Variants in PPM1H observed in about 807,000 individuals in gnomAD.
The protein encoded by PPM1H is protein phosphatase 1H.
PPM1H carries 27 observed loss-of-function variants against 54.9 expected under a neutral mutation model. That is an observed-to-expected ratio of 0.49 (90% confidence interval 0.36 to 0.68). PPM1H has a LOEUF of 0.68. Ranked by LOEUF, PPM1H falls within the 30% of genes least tolerant of loss-of-function variation. The probability of loss-of-function intolerance (pLI) is 0.00; values close to 1 mark genes in which losing one functional copy is unlikely to be tolerated. For synonymous variants in PPM1H, 305 were observed against 270.8 expected, an observed-to-expected ratio of 1.13 and a Z score of -1.24; for missense variants, 596 against 667.8, an observed-to-expected ratio of 0.89 and a Z score of 1.19.
intron 4 of PPM1H, among the ~76,000 whole-genome samples, chr12:62,760,425 G>A (rs1400802373): frequency 2.0e-5 from 3 of 151,954 alleles, no homozygotes; most frequent in African/African-American, 4.8e-5. Flanking sequence ...CTCCTCCTCC[G>A]GTCGCTCCCT....
At chr12:62,661,868 C>A (rs2075885928) in intron 9 of PPM1H, among the ~76,000 whole-genome samples, 2 of 152,238 alleles carry the variant, frequency 1.3e-5, no homozygotes, top group Non-Finnish European at 2.9e-5. Flanking sequence ...CCATAATTGT[C>A]TAATCTGCAG....
Position 62,720,188 on chromosome 12 carries a change from G to C in PPM1H, c.1056C>G (p.Asp352Glu). ...KELGKKMLYRDFNMTGWAYKT... is the reference protein window; with the variant it reads ...KELGKKMLYREFNMTGWAYKT... ...GTTCTTACCAGCCTGTCATATTAAA[G>C]TCCCTGTAGAGCATCTTCTTTCCAA... is the stretch of plus-strand genomic sequence containing the variant. Residue 352 changes from aspartate to glutamate, a missense_variant, in exon 6 of 10, where the codon GAC becomes GAG. Asp to Glu is a conservative substitution (Grantham distance 45, BLOSUM62 2). Coordinates refer to ENST00000228705, the MANE Select transcript of PPM1H (RefSeq NM_020700.2). 1.2e-6 allele frequency: 2 copies of C among 1,607,516 alleles called. No homozygotes were observed. Among genetic ancestry groups the C allele is most frequent in the Non-Finnish European group, 1.7e-6 (2 of 1,174,012 alleles).
chr12:62,696,170 T>C (rs2076114176), intron 6 of PPM1H, among the ~76,000 whole-genome samples: 1 of 152,178 alleles, frequency 6.6e-6, no homozygotes, highest in African/African-American at 2.4e-5. Flanking sequence ...GTAAGAAAAC[T>C]GCTCTATCAC....
At position 62,656,875 on chromosome 12, in the gene PPM1H, A is replaced by C. The variant is rs2075847287; in HGVS notation, c.1398-8239T>G. On this transcript the variant is annotated intron_variant, in intron 9 of 9. Transcript: ENST00000228705. ...GGTGGAGGGTCAGGGGTGGCTTAGA[A>C]TAGGGAATGGCCTTTGTTGTGCCCA... Among the ~76,000 whole-genome samples, 4 of 152,140 alleles carry C rather than the reference A, an allele frequency of 2.6e-5. No individual in the cohort carries two copies. The South Asian group carries it at 6.2e-4, about 24-fold the overall frequency.
intron 1 of PPM1H, among the ~76,000 whole-genome samples, chr12:62,921,152 T>C (rs1403549186): frequency 6.6e-6 from 1 of 152,026 alleles, no homozygotes; most frequent in Non-Finnish European, 1.5e-5. Flanking sequence ...CTCAAACTCC[T>C]GATCTCAGGT....
At chr12:62,667,375 T>C in intron 8 of PPM1H, 46 bp from the exon 9 acceptor site, 1 of 1,446,364 alleles carries the variant, frequency 6.9e-7, no homozygotes, top group Non-Finnish European at 9.3e-7. Context: ...TGGAAGCATA[T>C]TATTCTCCCT....
intron 4 of PPM1H, among the ~76,000 whole-genome samples, chr12:62,764,135 G>A (rs73130042): frequency 0.15 from 22,252 of 152,048 alleles, 1,808 homozygotes; most frequent in African/African-American, 0.22. Context: ...GTGAATTTCC[G>A]TCCAGACAAT....
intron 4 of PPM1H, among the ~76,000 whole-genome samples, chr12:62,761,481 C>A (rs1447349410): frequency 1.3e-5 from 2 of 152,064 alleles, no homozygotes; most frequent in Non-Finnish European, 2.9e-5. Context: ...CTACAAGAAA[C>A]ATGACATATA....
chr12:62,724,466 T>C (rs1202608146), intron 5 of PPM1H, among the ~76,000 whole-genome samples: 1 of 152,180 alleles, frequency 6.6e-6, no homozygotes, highest in African/African-American at 2.4e-5. Context: ...AGAAGATCTG[T>C]TGAGGCAGAT....
intron 8 of PPM1H, among the ~76,000 whole-genome samples, chr12:62,678,580 T>C (rs1391612599): frequency 2.0e-5 from 3 of 152,188 alleles, no homozygotes; most frequent in African/African-American, 7.2e-5. Flanking sequence ...ACACAACTGA[T>C]TTTTATAGCC....
chr12:62,920,880 A>G (rs1020766399), intron 1 of PPM1H, among the ~76,000 whole-genome samples: 3 of 152,198 alleles, frequency 2.0e-5, no homozygotes, highest in African/African-American at 7.2e-5. Flanking sequence ...ACTTAAATAT[A>G]GAAACTCAAT....
chr12:62,867,663 C>T (rs370534900), intron 1 of PPM1H, among the ~76,000 whole-genome samples: 3 of 146,512 alleles, frequency 2.0e-5, no homozygotes, highest in South Asian at 2.2e-4. Context: ...CTGCAAGCTC[C>T]GCCTCCCGGA....
intron 5 of PPM1H, among the ~76,000 whole-genome samples, chr12:62,732,397 A>C (rs143447535): frequency 6.6e-6 from 1 of 152,224 alleles, no homozygotes; most frequent in African/African-American, 2.4e-5. Flanking sequence ...GTGCATACCA[A>C]GAACACTGAA....
chr12:62,838,920 C>CAAAAA (rs71278269), intron 1 of PPM1H, among the ~76,000 whole-genome samples: 53 of 33,308 alleles, frequency 1.6e-3, no homozygotes, highest in Non-Finnish European at 1.7e-3. Flanking sequence ...GACTCCGTCT[C>CAAAAA]AAAAAAAAAA....
intron 1 of PPM1H, among the ~76,000 whole-genome samples, chr12:62,851,973 C>T (rs1374234510): frequency 6.6e-6 from 1 of 151,118 alleles, no homozygotes; most frequent in East Asian, 2.0e-4. Flanking sequence ...GTGGCTCACG[C>T]CTGTAATCCC....
chr12:62,814,365 T>C (rs578043393), intron 2 of PPM1H, among the ~76,000 whole-genome samples: 1 of 152,124 alleles, frequency 6.6e-6, no homozygotes, highest in Admixed American at 6.5e-5. Flanking sequence ...ACTACAGGCA[T>C]GTGCCACCAC....
At chr12:62,817,137 G>GAAAAAAAAAAAAAAAAAAAAAA (rs748440124) in intron 2 of PPM1H, among the ~76,000 whole-genome samples, 3 of 67,360 alleles carry the variant, frequency 4.5e-5, no homozygotes, top group Non-Finnish European at 8.3e-5. Flanking sequence ...AAAAAAAAAA[G>GAAAAAAAAAAAAAAAAAAAAAA]AAAAAAAAAA....
At chr12:62,885,062 G>A (rs775052194) in intron 1 of PPM1H, among the ~76,000 whole-genome samples, 16 of 152,202 alleles carry the variant, frequency 1.1e-4, no homozygotes, top group South Asian at 2.1e-4. Flanking sequence ...ACATGGTGGC[G>A]ACAAAAGAAA....
At chr12:62,839,761 C>G (rs1868655290) in intron 1 of PPM1H, among the ~76,000 whole-genome samples, 1 of 150,600 alleles carries the variant, frequency 6.6e-6, no homozygotes, top group African/African-American at 2.4e-5. Context: ...GTTTCTGACA[C>G]AAAATACCAC....
Sources: allele counts gnomAD v4.1 joint callset (sites outside exome capture counted in the v4.1 genomes callset), GRCh38; gene constraint gnomAD v4.1.1; transcripts MANE v1.5; gene names NCBI Gene and HGNC (gene_info 2026-07-23, HGNC 2026-07-21).